CCL7: variants seen among roughly 807,000 people sequenced by gnomAD.
CCL7 encodes C-C motif chemokine 7.
Under a neutral mutation model 7.1 loss-of-function variants are expected in CCL7, and 8 were observed. The observed-to-expected ratio is 1.13, with a 90% CI of 0.66 to 2.04. The LOEUF is 2.04. Ranked by LOEUF, CCL7 falls within the 30% of genes most tolerant of loss-of-function variation. The pLI is 0.00. For missense variants in CCL7, 134 were observed against 113.6 expected, an observed-to-expected ratio of 1.18 and a Z score of -0.82; for synonymous variants, 46 against 41.2, an observed-to-expected ratio of 1.12 and a Z score of -0.45.
chr17:34,271,557 T>C, intron 2 of CCL7, 140 bp from the exon 3 acceptor site: 2 of 607,994 alleles, frequency 3.3e-6, no homozygotes, highest in Non-Finnish European at 5.8e-6. Context: ...CCCCTTCCTT[T>C]GTTTTATCTT....
chr17:34,270,517 A>G (rs1225838666), intron 1 of CCL7, 151 bp downstream of exon 1: 1 of 639,292 alleles, frequency 1.6e-6, no homozygotes, highest in African/African-American at 1.8e-5. Context: ...GGTGAGCCCA[A>G]CCACACAGCT....
At chr17:34,270,701 G>T (rs1908100743) in intron 1 of CCL7, among the ~76,000 whole-genome samples, 1 of 152,164 alleles carries the variant, frequency 6.6e-6, no homozygotes, top group African/African-American at 2.4e-5. Flanking sequence ...TGTGCGGGCT[G>T]TTTCCAGATA....
intron 2 of CCL7, 119 bp downstream of exon 2, chr17:34,271,382 T>A: frequency 1.2e-6 from 1 of 804,212 alleles, no homozygotes; most frequent in Non-Finnish European, 2.0e-6. Flanking sequence ...ACAGCATCTC[T>A]AACCTTATCC....
At chr17:34,270,956 C>T (rs144149553) in intron 1 of CCL7, 190 bp from the exon 2 acceptor site, 138 of 1,240,168 alleles carry the variant, frequency 1.1e-4, no homozygotes, top group Middle Eastern at 2.0e-4. Context: ...CCCTATTTCA[C>T]AGTCCATAAA....
At position 34,271,871 on chromosome 17, in the gene CCL7, T is replaced by C. The variant is rs1234857498; in HGVS notation, c.*69T>C. ...AATAATTTGTATACCCTGTCCTTTC[T>C]CAGAGTGGTTCTGAGATTATTTTAA... On this transcript the variant is annotated 3_prime_UTR_variant, in exon 3 of 3. Coordinates refer to ENST00000378569, the MANE Select transcript of CCL7 (RefSeq NM_006273.4). 7.9e-6 allele frequency: 7 copies of C among 883,368 alleles called. No homozygotes were observed. The highest frequency in any genetic ancestry group is 1.5e-5 in the South Asian group (1 of 66,350). The allele number at this position is 883,368 out of a possible 1,614,324, so 54.7% of individuals were successfully genotyped here. A position where few individuals can be genotyped will look rare whatever the true frequency, so the allele number is the denominator to read the frequency against.
At chr17:34,271,611 C>A in intron 2 of CCL7, 86 bp from the exon 3 acceptor site, 1 of 847,176 alleles carries the variant, frequency 1.2e-6, no homozygotes. Flanking sequence ...GGCTGATGGG[C>A]TAGACAGATT....
chr17:34,272,085 A>C lies in CCL7; in HGVS notation c.*283A>C. On this transcript the variant is annotated 3_prime_UTR_variant, in exon 3 of 3. Coordinates refer to ENST00000378569, the MANE Select transcript of CCL7 (RefSeq NM_006273.4). Reference sequence around the variant, plus strand: ...GGGATGCTCCTCCCTTCTCTACCTCATGGGGGTATTGTATAAGTCCTTGCA... The same window carrying C: ...GGGATGCTCCTCCCTTCTCTACCTCCTGGGGGTATTGTATAAGTCCTTGCA... 1 of 317,206 alleles carries C rather than the reference A, an allele frequency of 3.2e-6. No individual in the cohort carries two copies. The highest frequency in any genetic ancestry group is 5.8e-6 in the Non-Finnish European group (1 of 172,580). The allele number at this position is 317,206 out of a possible 1,614,324, so 19.6% of individuals were successfully genotyped here.
At chr17:34,271,556 TTG>T in intron 2 of CCL7, 139 bp from the exon 3 acceptor site, 1 of 606,352 alleles carries the variant, frequency 1.6e-6, no homozygotes, top group Admixed American at 3.4e-5. Flanking sequence ...TCCCCTTCCT[TTG>T]TTTTATCTTC....
intron 1 of CCL7, 36 bp downstream of exon 1, chr17:34,270,402 G>A (rs1268484884): frequency 1.9e-6 from 3 of 1,558,388 alleles, no homozygotes; most frequent in Non-Finnish European, 2.7e-6. Context: ...GAAGCACATT[G>A]CCCCCTCTCT....
intron 2 of CCL7, 110 bp from the exon 3 acceptor site, chr17:34,271,587 A>G (rs1908164207): frequency 1.5e-6 from 1 of 687,674 alleles, no homozygotes; most frequent in Non-Finnish European, 2.5e-6. Flanking sequence ...TCCCTGAGGC[A>G]TCCCCATCAG....
At chr17:34,271,321 AG>A in intron 2 of CCL7, 58 bp downstream of exon 2, 1 of 1,377,708 alleles carries the variant, frequency 7.3e-7, no homozygotes, top group Non-Finnish European at 1.0e-6. Flanking sequence ...TTCCCTGGGC[AG>A]GGAATAGGAC....
In CCL7 at chr17:34,271,745, G is replaced by A; in HGVS notation, c.243G>A (p.Lys81=). The change falls in exon 3 of 3, where the codon AAG becomes AAA. Residue 81 remains lysine (K), a synonymous_variant. Coordinates refer to ENST00000378569, the MANE Select transcript of CCL7 (RefSeq NM_006273.4). The part of the protein sequence containing the change: ...DKEICADPTQ[K]WVQDFMKHLD... Reference sequence around the variant, plus strand: ...AGATCTGTGCTGACCCCACACAGAAGTGGGTCCAGGACTTTATGAAGCACC... The same window carrying A: ...AGATCTGTGCTGACCCCACACAGAAATGGGTCCAGGACTTTATGAAGCACC... The A allele has an allele frequency of 2.5e-6, 4 of 1,613,580 alleles. No homozygotes were observed. Among genetic ancestry groups the A allele is most frequent in the Non-Finnish European group, 3.4e-6 (4 of 1,179,886 alleles).
chr17:34,271,670 T>G, intron 2 of CCL7, 27 bp from the exon 3 acceptor site: 10 of 1,489,574 alleles, frequency 6.7e-6, no homozygotes, highest in Non-Finnish European at 9.3e-6. Context: ...AGGTGTTCCA[T>G]CTGACTGTCT....
chr17:34,270,794 C>A (rs1347121547), intron 1 of CCL7, among the ~76,000 whole-genome samples: 1 of 152,166 alleles, frequency 6.6e-6, no homozygotes, highest in Non-Finnish European at 1.5e-5. Context: ...CAGGGAAACT[C>A]ATGACCAAGC....
intron 1 of CCL7, 40 bp downstream of exon 1, chr17:34,270,406 C>G (rs1908084685): frequency 6.5e-7 from 1 of 1,535,324 alleles, no homozygotes; most frequent in African/African-American, 1.4e-5. Context: ...CACATTGCCC[C>G]CTCTCTGGGT....
chr17:34,271,139 A>G lies in CCL7; in HGVS notation c.77-7A>G, dbSNP rs1248674093. ...AATGGACTTTTCTTCTTGTTGTTTC[A>G]TTGCAGTTGGGATTAATACTTCAAC... On this transcript the variant is annotated splice_region_variant and splice_polypyrimidine_tract_variant and intron_variant, in intron 1 of 2. Coordinates refer to ENST00000378569, the MANE Select transcript of CCL7 (RefSeq NM_006273.4). 1.2e-6 allele frequency: 2 copies of G among 1,614,026 alleles called. No homozygotes were observed. Among genetic ancestry groups the G allele is most frequent in the East Asian group, 2.2e-5 (1 of 44,872 alleles).
intron 1 of CCL7, 67 bp downstream of exon 1, chr17:34,270,433 A>G: frequency 8.1e-7 from 1 of 1,241,276 alleles, no homozygotes; most frequent in Non-Finnish European, 1.2e-6. Context: ...GGACCAATCA[A>G]GAAGACCTGA....
At chr17:34,271,111 C>T in intron 1 of CCL7, 35 bp from the exon 2 acceptor site, 4 of 1,613,968 alleles carry the variant, frequency 2.5e-6, no homozygotes, top group Non-Finnish European at 3.4e-6. Context: ...AGGACACACC[C>T]TCAATGGACT....
chr17:34,271,700 C>G lies in CCL7; in HGVS notation c.198C>G (p.Phe66Leu). 6.2e-7 allele frequency: 1 copy of G among 1,607,492 alleles called. No homozygotes were observed. Among genetic ancestry groups the G allele is most frequent in the Non-Finnish European group, 8.5e-7 (1 of 1,177,330 alleles). Residue 66 changes from phenylalanine (F) to leucine (L), a missense_variant, in exon 3 of 3, where the codon TTC (phenylalanine) becomes TTG (leucine). Phe to Leu is a conservative substitution (Grantham distance 22). Transcript: ENST00000378569. ...CTGTCTCCTTTCTGCTCCACAGCTTCAAGACCAAACTGGACAAGGAGATCT... is the reference window on the plus strand; with the variant it reads ...CTGTCTCCTTTCTGCTCCACAGCTTGAAGACCAAACTGGACAAGGAGATCT... ...SSHCPREAVIFKTKLDKEICA... is the reference protein window; with the variant it reads ...SSHCPREAVILKTKLDKEICA...
Sources: allele counts gnomAD v4.1 joint callset (sites outside exome capture counted in the v4.1 genomes callset), GRCh38; gene constraint gnomAD v4.1.1; transcripts MANE v1.5; gene names NCBI Gene and HGNC (gene_info 2026-07-23, HGNC 2026-07-21).